The following PKHD1 variants were observed in gnomAD, a reference collection of about 807,000 sequenced individuals.
PKHD1 encodes the protein PKHD1 ciliary IPT domain containing fibrocystin/polyductin, also known as fibrocystin.
Under a neutral mutation model 412.0 loss-of-function variants are expected in PKHD1, and 291 were observed. The ratio of observed to expected loss-of-function variants is 0.71; its 90% CI spans 0.64 to 0.78. PKHD1 has a LOEUF of 0.78. Ranked by LOEUF, PKHD1 falls within the 30% of genes least tolerant of loss-of-function variation. The pLI is 0.00. For synonymous variants in PKHD1, 1,777 were observed against 1,821.5 expected (o/e 0.98, Z 0.62); for missense variants, 4,825 against 4,950.7 (o/e 0.97, Z 0.76).
intron 36 of PKHD1, among the ~76,000 whole-genome samples, chr6:51,944,354 A>G (rs944471243): frequency 2.0e-5 from 3 of 151,984 alleles, no homozygotes; most frequent in Non-Finnish European, 2.9e-5. Context: ...GCCCACCTGC[A>G]CCCAGGTGAA....
intron 60 of PKHD1, among the ~76,000 whole-genome samples, chr6:51,696,707 G>A (rs1562119590): frequency 6.6e-6 from 1 of 152,182 alleles, no homozygotes; most frequent in Non-Finnish European, 1.5e-5. Context: ...TGGAACACAG[G>A]GGAATGTGGC....
intron 60 of PKHD1, among the ~76,000 whole-genome samples, chr6:51,725,978 C>T (rs1179603774): frequency 2.6e-5 from 4 of 152,154 alleles, no homozygotes; most frequent in Admixed American, 6.5e-5. Context: ...CTCTGGTGGC[C>T]TTGAAAAACA....
chr6:51,980,193 CTT>C (rs1794962094), intron 35 of PKHD1, among the ~76,000 whole-genome samples: 1 of 152,162 alleles, frequency 6.6e-6, no homozygotes, highest in Admixed American at 6.5e-5. Context: ...CACCAAAATG[CTT>C]TCTCTTGCCT....
intron 24 of PKHD1, 87 bp from the exon 25 acceptor site, chr6:52,045,175 G>T: frequency 7.7e-7 from 1 of 1,297,844 alleles, no homozygotes. Context: ...TTTTCACATT[G>T]TGTTTCAGAT....
intron 60 of PKHD1, among the ~76,000 whole-genome samples, chr6:51,717,147 C>T (rs547273705): frequency 1.2e-4 from 18 of 152,346 alleles, no homozygotes; most frequent in Non-Finnish European, 2.2e-4. Flanking sequence ...TCCAATGGCT[C>T]ACGCCTGTAA....
At chr6:51,621,287 A>G (rs1228284761) in intron 66 of PKHD1, among the ~76,000 whole-genome samples, 1 of 152,158 alleles carries the variant, frequency 6.6e-6, no homozygotes, top group African/African-American at 2.4e-5. Flanking sequence ...CATCATCTCC[A>G]TAATTACTGC....
intron 60 of PKHD1, among the ~76,000 whole-genome samples, chr6:51,674,133 T>G (rs1453470146): frequency 6.6e-6 from 1 of 152,210 alleles, no homozygotes; most frequent in Non-Finnish European, 1.5e-5. Flanking sequence ...CCTGAAGGGT[T>G]TCCCACAGTT....
chr6:51,961,609 T>TA (rs1385152872), intron 35 of PKHD1, among the ~76,000 whole-genome samples: 1 of 152,090 alleles, frequency 6.6e-6, no homozygotes, highest in Non-Finnish European at 1.5e-5. Context: ...CTATATATAT[T>TA]ATACATTCTT....
chr6:51,679,562 T>C (rs9395706), intron 60 of PKHD1, among the ~76,000 whole-genome samples: 1 of 151,816 alleles, frequency 6.6e-6, no homozygotes, highest in Middle Eastern at 3.4e-3. Context: ...ATACAAAACC[T>C]TCGACTGATA....
chr6:51,649,533 T>C (rs908362677), intron 61 of PKHD1, among the ~76,000 whole-genome samples: 1 of 152,122 alleles, frequency 6.6e-6, no homozygotes, highest in Non-Finnish European at 1.5e-5. Context: ...CTCAGACTAA[T>C]ATAGATAATA....
At chr6:51,844,949 C>G (rs1006744188) in intron 50 of PKHD1, among the ~76,000 whole-genome samples, 1 of 152,184 alleles carries the variant, frequency 6.6e-6, no homozygotes, top group Admixed American at 6.5e-5. Flanking sequence ...TCCACATAGA[C>G]TATGTGGTCT....
Position 52,071,003 on chromosome 6 carries a change from G to T in PKHD1, c.667+3C>A. Reference sequence around the variant, plus strand: ...TTAAAATTATGTTACTTCTCTAACAGACCGATGTAGTCGCCTTCCACATGG... The same window carrying T: ...TTAAAATTATGTTACTTCTCTAACATACCGATGTAGTCGCCTTCCACATGG... On this transcript the variant is annotated splice_donor_region_variant and intron_variant, in intron 9 of 66. Coordinates refer to ENST00000371117, the MANE Select transcript of PKHD1 (RefSeq NM_138694.4). The T allele has an allele frequency of 6.4e-7, 1 of 1,569,026 alleles. No individual in the cohort carries two copies. Among genetic ancestry groups the T allele is most frequent in the Non-Finnish European group, 8.8e-7 (1 of 1,139,084 alleles).
At position 51,744,335 on chromosome 6, in the gene PKHD1, C is replaced by G. The variant is rs577297827; in HGVS notation, c.10156+50G>C. On this transcript the variant is annotated intron_variant, in intron 60 of 66. Transcript: ENST00000371117. ...GTGAGCACAGCAAAACCAGCTCCTT[C>G]ACAAGCACCCTTGCCTCTACCACAG... 2.3e-5 allele frequency: 35 copies of G among 1,547,560 alleles called. No individual in the cohort carries two copies. The South Asian group carries it at 3.7e-4, about 16-fold the overall frequency.
chr6:52,073,401 G>T, intron 7 of PKHD1, 62 bp downstream of exon 7: 1 of 1,009,546 alleles, frequency 9.9e-7, no homozygotes, highest in South Asian at 1.3e-5. Flanking sequence ...AGGGAAGCTG[G>T]TCCCAGGAAG....
Position 52,026,118 on chromosome 6 carries a change from A to G in PKHD1, c.3692T>C (p.Leu1231Pro), listed in dbSNP as rs1287315659. The G allele has an allele frequency of 6.2e-7, 1 of 1,614,186 alleles. No homozygotes were observed. Among genetic ancestry groups the G allele is most frequent in the Non-Finnish European group, 8.5e-7 (1 of 1,180,034 alleles). ...FSRDPALVWV[L>P]VGNRSCDIVN... Reference sequence around the variant, plus strand: ...AATGTCACAGGACCGATTGCCCACAAGTACCCAAACCAAAGCTGGGTCCCT... The same window carrying G: ...AATGTCACAGGACCGATTGCCCACAGGTACCCAAACCAAAGCTGGGTCCCT... The change falls in exon 32 of 67, where the codon CTT becomes CCT. Residue 1231 changes from leucine to proline, a missense_variant. Physicochemically the swap from Leu to Pro is moderately conservative, Grantham distance 98. Coordinates refer to ENST00000371117, the MANE Select transcript of PKHD1 (RefSeq NM_138694.4).
At chr6:51,981,493 T>C (rs1179785511) in intron 35 of PKHD1, among the ~76,000 whole-genome samples, 1 of 152,050 alleles carries the variant, frequency 6.6e-6, no homozygotes, top group Non-Finnish European at 1.5e-5. Flanking sequence ...TTTTCGTTTT[T>C]TTTTTGGTGG....
intron 53 of PKHD1, among the ~76,000 whole-genome samples, chr6:51,783,500 T>A (rs1015013475): frequency 6.6e-6 from 1 of 151,630 alleles, no homozygotes; most frequent in Non-Finnish European, 1.5e-5. Flanking sequence ...TCATTTGCAG[T>A]TTTAAAAGTA....
intron 53 of PKHD1, among the ~76,000 whole-genome samples, chr6:51,790,427 C>T (rs1222829804): frequency 6.6e-6 from 1 of 152,138 alleles, no homozygotes; most frequent in Non-Finnish European, 1.5e-5. Context: ...CCTGTGGCCT[C>T]AACAACATGA....
In PKHD1 at chr6:52,079,936, AC is replaced by A. The variant is rs398124483; in HGVS notation, c.353del (p.Ser118IlefsTer35). The A allele has an allele frequency of 5.6e-5, 90 of 1,610,524 alleles. No homozygotes were observed. Among genetic ancestry groups the A allele is most frequent in the Non-Finnish European group, 7.1e-5 (84 of 1,176,896 alleles). On this transcript the variant is annotated frameshift_variant, in exon 5 of 67. Transcript: ENST00000371117. LOFTEE classifies it high-confidence loss of function. ...EAYFGGQLVS[S>X]PNPGPRDSCT... ...AGCTATCTCGTGGTCCTGGATTTGG[AC>A]TGCTTACCAGCTGTCCCCCGAAGTA...
Sources: gnomAD v4.1 joint callset for allele counts (sites outside exome capture counted in the v4.1 genomes callset) on GRCh38, gnomAD v4.1.1 for gene constraint, MANE v1.5 for transcripts, NCBI Gene and HGNC (gene_info 2026-07-23, HGNC 2026-07-21) for gene names.